Variants in POLA1 observed in about 807,000 individuals in gnomAD.
POLA1 encodes the protein DNA polymerase alpha 1, catalytic subunit.
POLA1 carries 15 observed loss-of-function variants against 124.0 expected under a neutral mutation model. The observed-to-expected ratio is 0.12, with a 90% CI of 0.08 to 0.19. POLA1 has a LOEUF of 0.19. Among genes scored for constraint, POLA1 ranks in the 10% least tolerant of loss-of-function variants. The pLI is 1.00. For missense variants in POLA1, 886 were observed against 1,103.4 expected (o/e 0.80, Z 2.79); for synonymous variants, 408 against 389.4 (o/e 1.05, Z -0.56).
At chrX:24,786,044 T>C (rs1420918926) in intron 26 of POLA1, among the ~76,000 whole-genome samples, 1 of 112,720 alleles carries the variant, frequency 8.9e-6, no homozygotes, top group Non-Finnish European at 1.9e-5. Context: ...TTTCCTTTTT[T>C]ATGGCCAAAT....
At chrX:24,989,169 G>T (rs1057031550) in intron 36 of POLA1, among the ~76,000 whole-genome samples, 1 of 111,476 alleles carries the variant, frequency 9.0e-6, no homozygotes, top group Admixed American at 9.5e-5. Flanking sequence ...CTGGTTCTTA[G>T]TTGAGGGGGG....
chrX:24,915,229 C>G (rs1025533800), intron 35 of POLA1, among the ~76,000 whole-genome samples: 1 of 111,406 alleles, frequency 9.0e-6, no homozygotes, highest in African/African-American at 3.3e-5. Context: ...ATTTTCTTTC[C>G]TATTATTTTA....
chrX:24,705,734 A>G (rs1045309238), intron 4 of POLA1, among the ~76,000 whole-genome samples: 9 of 105,827 alleles, frequency 8.5e-5, no homozygotes, highest in Admixed American at 4.1e-4. Context: ...GTCTTTCATG[A>G]CATTGATTTT....
At chrX:24,930,154 G>C (rs148517551) in intron 35 of POLA1, among the ~76,000 whole-genome samples, 1,333 of 112,494 alleles carry the variant, frequency 0.012, 25 homozygotes, top group African/African-American at 0.039. Flanking sequence ...ATTGTCATGA[G>C]TGCATAGGAA....
intron 26 of POLA1, among the ~76,000 whole-genome samples, chrX:24,781,713 C>T (rs1230786528): frequency 1.8e-5 from 2 of 111,130 alleles, no homozygotes; most frequent in African/African-American, 6.5e-5. Context: ...TTTTGCTTGT[C>T]ATGGGGAAGT....
At chrX:24,838,173 A>C (rs1288692119) in intron 32 of POLA1, among the ~76,000 whole-genome samples, 1 of 111,947 alleles carries the variant, frequency 8.9e-6, no homozygotes, top group Non-Finnish European at 1.9e-5. Flanking sequence ...ATACACCCTG[A>C]TGCCTATGAT....
At chrX:24,911,594 A>G (rs1427019010) in intron 35 of POLA1, among the ~76,000 whole-genome samples, 1 of 110,691 alleles carries the variant, frequency 9.0e-6, no homozygotes, top group African/African-American at 3.3e-5. Flanking sequence ...AGGGGAGGAA[A>G]TGGTAAAGAT....
intron 10 of POLA1, 39 bp downstream of exon 10, chrX:24,717,797 A>G (rs1458391968): frequency 2.3e-6 from 2 of 866,730 alleles, no homozygotes; most frequent in Admixed American, 6.7e-5. Context: ...TTTAACTCAG[A>G]GTAGGACTTT....
chrX:24,742,859 C>T (rs1427097526), intron 22 of POLA1, among the ~76,000 whole-genome samples: 2 of 111,735 alleles, frequency 1.8e-5, no homozygotes, highest in Non-Finnish European at 3.8e-5. Flanking sequence ...TATGTTTTTA[C>T]ATCACGAATG....
intron 36 of POLA1, among the ~76,000 whole-genome samples, chrX:24,951,330 TA>T (rs2048038409): frequency 1.1e-5 from 1 of 87,890 alleles, no homozygotes; most frequent in Non-Finnish European, 2.2e-5. Flanking sequence ...TCACTTTCTT[TA>T]AACACCTCCC....
chrX:24,784,065 T>C (rs1387520696), intron 26 of POLA1, among the ~76,000 whole-genome samples: 1 of 94,509 alleles, frequency 1.1e-5, no homozygotes, highest in East Asian at 3.3e-4. Flanking sequence ...ATTTCTTTTT[T>C]TTTTTTTTTT....
Position 24,995,931 on chromosome X carries a change from G to A in POLA1, c.4388G>A (p.Gly1463Asp), listed in dbSNP as rs780864335. Residue 1463 changes from glycine to aspartate, a missense_variant, in exon 37 of 37, where the codon GGT (glycine) becomes GAT (aspartate). Transcript: ENST00000379068. The part of the protein sequence containing the change: ...SEVNLSKLFA[G>D]CAVKS ...GTGAATCTGAGCAAACTCTTCGCTG[G>A]TTGTGCCGTGAAATCCTAAGGGAAT... 3.3e-6 allele frequency: 4 copies of A among 1,207,942 alleles called. No individual in the cohort carries two copies. The highest frequency in any genetic ancestry group is 2.2e-5 in the Admixed American group (1 of 45,522).
chrX:24,827,656 G>A (rs986092317), intron 32 of POLA1, among the ~76,000 whole-genome samples: 1 of 111,956 alleles, frequency 8.9e-6, no homozygotes, highest in African/African-American at 3.3e-5. Context: ...GGGTTTCAGT[G>A]CTGGTTCTGC....
In POLA1 at chrX:24,724,341, G is replaced by A. The variant is rs774419889; in HGVS notation, c.1207G>A (p.Asp403Asn). The A allele has an allele frequency of 1.0e-5, 11 of 1,060,751 alleles. No homozygotes were observed. Among genetic ancestry groups the A allele is most frequent in the Non-Finnish European group, 1.3e-5 (10 of 766,489 alleles). 87.4% of individuals were successfully genotyped at this position (1,060,751 alleles called of 1,213,427 possible). Residue 403 changes from aspartate (D) to asparagine (N), a missense_variant, in exon 12 of 37, where the codon GAT becomes AAT. Asp to Asn is a conservative substitution (Grantham distance 23). This residue lies in a region of POLA1 where 337 missense variants were observed against 402.8 expected (regional missense o/e 0.84). Coordinates refer to ENST00000379068, the MANE Select transcript of POLA1 (RefSeq NM_001330360.2). The stretch of plus-strand genomic sequence containing the variant: ...CCCTTCTCTGGGATAACAGAAAATT[G>A]ATCTAAATACGGGGAAAGAAACAGG... ...LYFLPREMKI[D>N]LNTGKETGTP...
chrX:24,911,941 G>A (rs759592365), intron 35 of POLA1, among the ~76,000 whole-genome samples: 2 of 112,234 alleles, frequency 1.8e-5, no homozygotes, highest in Non-Finnish European at 3.8e-5. Flanking sequence ...TAAGAAGAAA[G>A]CAAAAGAGAA....
At chrX:24,826,197 A>G (rs2046168126) in intron 31 of POLA1, among the ~76,000 whole-genome samples, 1 of 111,854 alleles carries the variant, frequency 8.9e-6, no homozygotes, top group South Asian at 3.7e-4. Context: ...CATATACTGG[A>G]TTTATATTCT....
Position 24,729,596 on chromosome X carries a change from TC to T in POLA1, c.1686+1662del, listed in dbSNP as rs763363371. Among the ~76,000 whole-genome samples, 14 of 112,133 alleles carry T rather than the reference TC, an allele frequency of 1.2e-4. No individual in the cohort carries two copies. The East Asian group carries it at 3.6e-3, about 29-fold the overall frequency. On this transcript the variant is annotated intron_variant, in intron 15 of 36. Coordinates refer to ENST00000379068, the MANE Select transcript of POLA1 (RefSeq NM_001330360.2). The stretch of plus-strand genomic sequence containing the variant: ...AGGAAAGACAGGATAAATGCTTACT[TC>T]CTTCTCTTTAATTGCCAGTTGTCCT...
chrX:24,787,979 A>G (rs933024637), intron 26 of POLA1, among the ~76,000 whole-genome samples: 2 of 112,220 alleles, frequency 1.8e-5, no homozygotes, highest in Non-Finnish European at 3.8e-5. Flanking sequence ...CTACTAGCAA[A>G]CTGAATTTAA....
chrX:24,971,994 G>A (rs866696948), intron 36 of POLA1, among the ~76,000 whole-genome samples: 21 of 73,798 alleles, frequency 2.8e-4, no homozygotes, highest in Non-Finnish European at 5.1e-4. Flanking sequence ...TTTAGACCGA[G>A]TTTCACTCTT....
Sources: allele counts gnomAD v4.1 joint callset (sites outside exome capture counted in the v4.1 genomes callset), GRCh38; gene constraint gnomAD v4.1.1; regional missense constraint gnomAD v4.1.1; transcripts MANE v1.5; gene names NCBI Gene and HGNC (gene_info 2026-07-23, HGNC 2026-07-21).